Variants in HMGB1 observed in about 807,000 individuals in gnomAD.
The protein encoded by HMGB1 is high mobility group protein B1.
For missense variants in HMGB1, 79 were observed against 253.5 expected (o/e 0.31, Z 4.67); for synonymous variants, 81 against 84.0 (o/e 0.96, Z 0.19).
chr13:30,602,779 G>A (rs1214605684), intron 1 of HMGB1, among the ~76,000 whole-genome samples: 1 of 152,090 alleles, frequency 6.6e-6, no homozygotes, highest in African/African-American at 2.4e-5. Context: ...ACCTTACCTC[G>A]TTTTGTTTTC....
intron 1 of HMGB1, among the ~76,000 whole-genome samples, chr13:30,505,767 C>T (rs1479770684): frequency 6.6e-6 from 1 of 152,172 alleles, no homozygotes; most frequent in African/African-American, 2.4e-5. Flanking sequence ...ATTTCATCTG[C>T]ACTTACCTCA....
chr13:30,530,709 A>G (rs960339246), intron 1 of HMGB1, among the ~76,000 whole-genome samples: 4 of 152,208 alleles, frequency 2.6e-5, no homozygotes, highest in Non-Finnish European at 4.4e-5. Flanking sequence ...TCTGTTGTGG[A>G]AAGACTTTTT....
At chr13:30,610,825 G>C (rs1950506556) in intron 1 of HMGB1, among the ~76,000 whole-genome samples, 1 of 151,626 alleles carries the variant, frequency 6.6e-6, no homozygotes, top group Non-Finnish European at 1.5e-5. Context: ...AATCAGATTA[G>C]ACCACCAAAA....
At chr13:30,531,131 G>A (rs1235222199) in intron 1 of HMGB1, among the ~76,000 whole-genome samples, 1 of 152,172 alleles carries the variant, frequency 6.6e-6, no homozygotes, top group Non-Finnish European at 1.5e-5. Context: ...TGCCATCTTT[G>A]GGTAGTGGGA....
chr13:30,517,748 T>C (rs147961582), intron 1 of HMGB1, among the ~76,000 whole-genome samples: 25 of 152,318 alleles, frequency 1.6e-4, no homozygotes, highest in Middle Eastern at 6.8e-3. Context: ...GTTATGCTTG[T>C]TCTGGTTCTG....
intron 1 of HMGB1, chr13:30,540,050 G>A (rs1868791656): frequency 6.5e-6 from 1 of 154,596 alleles, no homozygotes; most frequent in African/African-American, 2.4e-5. Context: ...TGGTAGAAAT[G>A]ATTTCTCTGA....
intron 1 of HMGB1, among the ~76,000 whole-genome samples, chr13:30,575,086 G>A (rs948867036): frequency 6.6e-6 from 1 of 152,110 alleles, no homozygotes; most frequent in Admixed American, 6.5e-5. Flanking sequence ...GTGTGCATAT[G>A]TTTATTATTT....
At chr13:30,564,153 C>T (rs1870081611) in intron 1 of HMGB1, among the ~76,000 whole-genome samples, 1 of 151,766 alleles carries the variant, frequency 6.6e-6, no homozygotes, top group Admixed American at 6.6e-5. Context: ...TAACCATGAG[C>T]CACGTGCAGT....
chr13:30,469,840 A>C (rs939236825), upstream of HMGB1, among the ~76,000 whole-genome samples: 2 of 152,326 alleles, frequency 1.3e-5, no homozygotes, highest in South Asian at 4.1e-4. Context: ...CATGTTGGCC[A>C]GGATGGTCTC....
chr13:30,534,181 G>C (rs548473957), intron 1 of HMGB1, among the ~76,000 whole-genome samples: 2 of 152,208 alleles, frequency 1.3e-5, no homozygotes, highest in Admixed American at 1.3e-4. Context: ...TATCTCCCTA[G>C]GTTGGTGAAC....
At chr13:30,556,471 A>G (rs1014196637) in intron 1 of HMGB1, among the ~76,000 whole-genome samples, 1 of 152,230 alleles carries the variant, frequency 6.6e-6, no homozygotes. Context: ...TGTCTACTGC[A>G]GCACTATTCT....
chr13:30,584,904 G>C lies in HMGB1; in HGVS notation c.-15+31767C>G, dbSNP rs1871075651. On this transcript the variant is annotated intron_variant, in intron 1 of 4. Coordinates refer to the HMGB1 transcript ENST00000405805. The stretch of plus-strand genomic sequence containing the variant: ...GGTTCACGCCTGTAATCCTAGCATA[G>C]TGGAAGGCCGAGGAGGGAGGATCAC... Among the ~76,000 whole-genome samples, 7 of 152,158 alleles carry C rather than the reference G, an allele frequency of 4.6e-5. No homozygotes were observed. The South Asian group carries it at 1.4e-3, about 32-fold the overall frequency.
At chr13:30,610,022 C>T (rs945060545) in intron 1 of HMGB1, among the ~76,000 whole-genome samples, 6 of 152,294 alleles carry the variant, frequency 3.9e-5, no homozygotes, top group African/African-American at 1.4e-4. Context: ...GTGACAAGGA[C>T]GAAGATCTTT....
At chr13:30,598,545 T>C (rs1365021781) in intron 1 of HMGB1, among the ~76,000 whole-genome samples, 1 of 152,238 alleles carries the variant, frequency 6.6e-6, no homozygotes, top group Non-Finnish European at 1.5e-5. Flanking sequence ...ACATGGAAGA[T>C]AATCCTGTTG....
chr13:30,579,393 T>C (rs557792890), intron 1 of HMGB1, among the ~76,000 whole-genome samples: 1 of 152,208 alleles, frequency 6.6e-6, no homozygotes, highest in East Asian at 1.9e-4. Flanking sequence ...GCATGTTCCA[T>C]TGTAGAACGT....
At chr13:30,565,383 G>A (rs79575148) in intron 1 of HMGB1, among the ~76,000 whole-genome samples, 2,803 of 152,158 alleles carry the variant, frequency 0.018, 95 homozygotes, top group African/African-American at 0.064. Flanking sequence ...TAAATCTGAG[G>A]GCTTAAGAAA....
chr13:30,567,732 G>GGGGCAACTGAA (rs1449825244), intron 1 of HMGB1, among the ~76,000 whole-genome samples: 1 of 152,168 alleles, frequency 6.6e-6, no homozygotes, highest in Non-Finnish European at 1.5e-5. Context: ...AGGCAACTGA[G>GGGGCAACTGAA]GGGCTAACAT....
chr13:30,575,815 T>G (rs1870631363), intron 1 of HMGB1, among the ~76,000 whole-genome samples: 1 of 152,154 alleles, frequency 6.6e-6, no homozygotes, highest in South Asian at 2.1e-4. Flanking sequence ...TTCCAGGGGC[T>G]GAGGCAGGAA....
intron 1 of HMGB1, among the ~76,000 whole-genome samples, chr13:30,499,922 G>T (rs1197598392): frequency 3.3e-5 from 5 of 152,166 alleles, no homozygotes; most frequent in African/African-American, 1.2e-4. Flanking sequence ...TCGGGCCTGG[G>T]GAAATGTGTC....
Sources: allele counts gnomAD v4.1 joint callset (sites outside exome capture counted in the v4.1 genomes callset), GRCh38; gene constraint gnomAD v4.1.1; transcripts MANE v1.5; gene names NCBI Gene and HGNC (gene_info 2026-07-23, HGNC 2026-07-21).